CDH19: variants seen among roughly 807,000 people sequenced by gnomAD.
CDH19 encodes the protein cadherin 19.
A neutral mutation model predicts 64.2 loss-of-function variants in CDH19; 67 were observed. The ratio of observed to expected loss-of-function variants is 1.04; its 90% CI spans 0.86 to 1.28. CDH19 has a LOEUF of 1.28. Ranked by LOEUF, CDH19 falls within the 50% of genes most tolerant of loss-of-function variation. The pLI is 0.00. For synonymous variants in CDH19, 346 were observed against 319.3 expected, an observed-to-expected ratio of 1.08 and a Z score of -0.89; for missense variants, 1,030 against 929.0, an observed-to-expected ratio of 1.11 and a Z score of -1.41.
chr18:66,540,113 C>T (rs561396283), intron 7 of CDH19, among the ~76,000 whole-genome samples: 17 of 152,130 alleles, frequency 1.1e-4, no homozygotes, highest in African/African-American at 3.1e-4. Context: ...TGGCCTTTCT[C>T]GATAGAGATT....
At position 66,535,095 on chromosome 18, in the gene CDH19, A is replaced by C; in HGVS notation, c.1227T>G (p.Thr409=). 1 of 1,477,366 alleles carries C rather than the reference A, an allele frequency of 6.8e-7. No homozygotes were observed. Among genetic ancestry groups the C allele is most frequent in the Non-Finnish European group, 9.2e-7 (1 of 1,090,834 alleles). 91.5% of individuals were successfully genotyped at this position (1,477,366 alleles called of 1,614,324 possible). A position where few individuals can be genotyped will look rare whatever the true frequency, so the allele number is the denominator to read the frequency against. The change falls in exon 8 of 12, where the codon ACT becomes ACG. Residue 409 remains threonine (T), a synonymous_variant. Transcript: ENST00000262150. ...CATTGATATTGAACACTTTGCTCCT[A>C]GTAATAGAATACCTGAACCAAAAGG... ...NRKSPIRYSI[T]RSKVFNINDN...
chr18:66,512,335 A>G (rs1303975819), intron 9 of CDH19, among the ~76,000 whole-genome samples: 2 of 151,580 alleles, frequency 1.3e-5, no homozygotes, highest in Non-Finnish European at 3.0e-5. Context: ...TTCTTTCAAG[A>G]CATGAATCTG....
chr18:66,593,497 T>C (rs533754468), intron 1 of CDH19, among the ~76,000 whole-genome samples: 349 of 152,132 alleles, frequency 2.3e-3, no homozygotes, highest in African/African-American at 7.8e-3. Context: ...ATGGCAAAGA[T>C]ATTTGGAGAC....
intron 7 of CDH19, among the ~76,000 whole-genome samples, chr18:66,538,285 G>C (rs1986752668): frequency 6.6e-6 from 1 of 151,864 alleles, no homozygotes; most frequent in Non-Finnish European, 1.5e-5. Context: ...ATTTGCAATA[G>C]TTTGCCTTCA....
chr18:66,600,955 T>C (rs1989022844), intron 1 of CDH19, among the ~76,000 whole-genome samples: 1 of 151,858 alleles, frequency 6.6e-6, no homozygotes, highest in Non-Finnish European at 1.5e-5. Context: ...TTATAGCCCA[T>C]TTATTTCTCA....
chr18:66,572,273 CT>C lies in CDH19; in HGVS notation c.-70del. 1 of 1,279,202 alleles carries C rather than the reference CT, an allele frequency of 7.8e-7. No individual in the cohort carries two copies. Among genetic ancestry groups the C allele is most frequent in the South Asian group, 1.5e-5 (1 of 68,790 alleles). The allele number at this position is 1,279,202 out of a possible 1,614,324, so 79.2% of individuals were successfully genotyped here. ...CAGGACGTCACTAACAAAAATCTTG[CT>C]TTCTTTTATAATCTTTTCTGATTCT... On this transcript the variant is annotated 5_prime_UTR_variant, in exon 2 of 12. Transcript: ENST00000262150.
chr18:66,557,814 G>A (rs9947421), intron 3 of CDH19, among the ~76,000 whole-genome samples: 2,979 of 151,550 alleles, frequency 0.02, 107 homozygotes, highest in African/African-American at 0.068. Flanking sequence ...ATATATACAT[G>A]TATATATACA....
intron 7 of CDH19, among the ~76,000 whole-genome samples, chr18:66,541,597 A>G (rs926412549): frequency 1.3e-5 from 2 of 152,130 alleles, no homozygotes; most frequent in African/African-American, 4.8e-5. Flanking sequence ...AAATCAAGCT[A>G]TATCATATGA....
intron 1 of CDH19, among the ~76,000 whole-genome samples, chr18:66,585,417 T>C (rs1988548311): frequency 6.6e-6 from 1 of 151,964 alleles, no homozygotes; most frequent in Non-Finnish European, 1.5e-5. Flanking sequence ...AATAACTAAC[T>C]CAACACCAAC....
chr18:66,533,450 TTAAA>T (rs1201947228), intron 8 of CDH19, among the ~76,000 whole-genome samples: 2 of 152,044 alleles, frequency 1.3e-5, no homozygotes, highest in Non-Finnish European at 2.9e-5. Flanking sequence ...ATCTTTTTGC[TTAAA>T]TAATTAAATT....
chr18:66,588,951 T>C (rs2144621909), intron 1 of CDH19, among the ~76,000 whole-genome samples: 1 of 151,536 alleles, frequency 6.6e-6, no homozygotes, highest in East Asian at 1.9e-4. Context: ...TGCTTCCTAC[T>C]TCCAACAATA....
chr18:66,578,809 T>C (rs1988340474), intron 1 of CDH19, among the ~76,000 whole-genome samples: 1 of 152,020 alleles, frequency 6.6e-6, no homozygotes, highest in Admixed American at 6.6e-5. Context: ...AATGTAATGA[T>C]ACTCAGTAGT....
intron 3 of CDH19, among the ~76,000 whole-genome samples, chr18:66,562,801 C>A (rs751767845): frequency 6.6e-6 from 1 of 151,886 alleles, no homozygotes; most frequent in Admixed American, 6.6e-5. Context: ...AAGGTGCTAA[C>A]CTGTATAAAA....
At chr18:66,529,479 G>T (rs1477402670) in intron 9 of CDH19, among the ~76,000 whole-genome samples, 1 of 150,516 alleles carries the variant, frequency 6.6e-6, no homozygotes, top group Admixed American at 6.6e-5. Flanking sequence ...AACATTTTAG[G>T]AATTTGAAAG....
chr18:66,575,246 T>A (rs1988232775), intron 1 of CDH19, among the ~76,000 whole-genome samples: 1 of 151,562 alleles, frequency 6.6e-6, no homozygotes, highest in Non-Finnish European at 1.5e-5. Context: ...AAGGGGAGTG[T>A]TAAGAGTGAA....
chr18:66,545,389 T>C (rs1188332763), intron 5 of CDH19, among the ~76,000 whole-genome samples: 6 of 146,342 alleles, frequency 4.1e-5, no homozygotes, highest in Non-Finnish European at 7.5e-5. Flanking sequence ...CTCTTTTTCC[T>C]TTCTTTCTTT....
chr18:66,545,381 C>A (rs758996867), intron 5 of CDH19, among the ~76,000 whole-genome samples: 1 of 150,558 alleles, frequency 6.6e-6, no homozygotes, highest in Non-Finnish European at 1.5e-5. Flanking sequence ...TTTTCTTTCT[C>A]TTTTTCCTTT....
intron 5 of CDH19, among the ~76,000 whole-genome samples, chr18:66,546,515 C>A (rs1328277246): frequency 6.6e-6 from 1 of 152,074 alleles, no homozygotes; most frequent in Non-Finnish European, 1.5e-5. Context: ...ATTTTGTCTA[C>A]ATAATTTTCC....
In CDH19 at chr18:66,541,875, G is replaced by A. The variant is rs561119465; in HGVS notation, c.1214+2096C>T. ...ATACAAAACCTCTTAATATTTGGTT[G>A]TACCTTAGGTTTTTCTTCATATATA... is the stretch of plus-strand genomic sequence containing the variant. On this transcript the variant is annotated intron_variant, in intron 7 of 11. Coordinates refer to ENST00000262150, the MANE Select transcript of CDH19 (RefSeq NM_021153.4). Among the ~76,000 whole-genome samples the A allele has an allele frequency of 3.3e-5, 5 of 152,160 alleles. No individual in the cohort carries two copies. In the East Asian group the frequency reaches 9.7e-4, roughly 29 times the overall value.
Sources: allele counts gnomAD v4.1 joint callset (sites outside exome capture counted in the v4.1 genomes callset), GRCh38; gene constraint gnomAD v4.1.1; transcripts MANE v1.5; gene names NCBI Gene and HGNC (gene_info 2026-07-23, HGNC 2026-07-21).